The following TRPM3 variants were observed in gnomAD, a reference collection of about 807,000 sequenced individuals.
TRPM3 encodes the protein transient receptor potential cation channel subfamily M member 3.
A neutral mutation model predicts 181.2 loss-of-function variants in TRPM3; 77 were observed. The observed-to-expected ratio is 0.42, with a 90% confidence interval of 0.35 to 0.51. The LOEUF is 0.51. Among genes scored for constraint, TRPM3 ranks in the 20% least tolerant of loss-of-function variants. The pLI is 0.01. For missense variants in TRPM3, 1,759 were observed against 2,196.7 expected (o/e 0.80, Z 3.98); for synonymous variants, 745 against 796.4 (o/e 0.94, Z 1.09).
intron 22 of TRPM3, among the ~76,000 whole-genome samples, chr9:70,574,608 T>C (rs1162584581): frequency 1.3e-5 from 2 of 152,240 alleles, no homozygotes; most frequent in African/African-American, 4.8e-5. Flanking sequence ...CTGATGCCTC[T>C]ACTGGGCTGT....
intron 17 of TRPM3, 130 bp from the exon 18 acceptor site, chr9:70,616,205 C>T (rs1448224353): frequency 7.2e-6 from 4 of 551,728 alleles, no homozygotes; most frequent in Admixed American, 7.4e-5. Context: ...CACATGCACA[C>T]ACAGTTGTTA....
intron 15 of TRPM3, 129 bp from the exon 16 acceptor site, chr9:70,620,494 C>T (rs2063462997): frequency 1.4e-5 from 14 of 1,017,242 alleles, no homozygotes; most frequent in Non-Finnish European, 2.0e-5. Context: ...CAGCTCCTGT[C>T]CTAAAAGAAC....
At chr9:71,222,232 A>T (rs925150037) in intron 1 of TRPM3, among the ~76,000 whole-genome samples, 7 of 152,242 alleles carry the variant, frequency 4.6e-5, no homozygotes, top group African/African-American at 1.7e-4. Flanking sequence ...TAACAGTTTC[A>T]ATCTCCCCAG....
intron 1 of TRPM3, among the ~76,000 whole-genome samples, chr9:71,179,885 ATGAC>A (rs1207044501): frequency 4.6e-5 from 7 of 152,110 alleles, no homozygotes; most frequent in Non-Finnish European, 8.8e-5. Context: ...AGTGGTTCAC[ATGAC>A]TGCAGGACCC....
chr9:70,778,355 G>C (rs535152585), intron 7 of TRPM3, among the ~76,000 whole-genome samples: 3 of 152,254 alleles, frequency 2.0e-5, no homozygotes, highest in Admixed American at 2.0e-4. Flanking sequence ...ATCTGCACTT[G>C]TGTCTATGTT....
chr9:71,134,172 C>T (rs1475107402), intron 1 of TRPM3, among the ~76,000 whole-genome samples: 2 of 152,106 alleles, frequency 1.3e-5, no homozygotes, highest in African/African-American at 2.4e-5. Context: ...GATAACATTT[C>T]TTAAGTAGCA....
chr9:70,956,031 C>T (rs1211566753), intron 1 of TRPM3, among the ~76,000 whole-genome samples: 2 of 152,124 alleles, frequency 1.3e-5, no homozygotes, highest in East Asian at 1.9e-4. Flanking sequence ...GTTTTTATAT[C>T]AGAGGAACTC....
At chr9:71,356,470 A>G (rs1369749140) in intron 1 of TRPM3, among the ~76,000 whole-genome samples, 1 of 152,128 alleles carries the variant, frequency 6.6e-6, no homozygotes, top group Admixed American at 6.5e-5. Context: ...GAGACTGTAA[A>G]ATAGAGACGT....
At chr9:70,898,033 A>G (rs2096307609) in intron 1 of TRPM3, among the ~76,000 whole-genome samples, 1 of 152,086 alleles carries the variant, frequency 6.6e-6, no homozygotes, top group African/African-American at 2.4e-5. Context: ...CCGACCAGTG[A>G]TACAATAAAT....
intron 1 of TRPM3, among the ~76,000 whole-genome samples, chr9:71,217,272 T>C (rs1391911224): frequency 7.2e-5 from 11 of 152,112 alleles, no homozygotes; most frequent in Admixed American, 6.5e-4. Flanking sequence ...CTTAAAACAT[T>C]CTCTCTCCTA....
At chr9:71,272,623 T>A (rs2083888992) in intron 1 of TRPM3, among the ~76,000 whole-genome samples, 1 of 152,288 alleles carries the variant, frequency 6.6e-6, no homozygotes, top group African/African-American at 2.4e-5. Flanking sequence ...CACATACCTG[T>A]ACATAGTTTA....
chr9:71,071,327 C>T (rs1591174204), intron 1 of TRPM3, among the ~76,000 whole-genome samples: 1 of 152,118 alleles, frequency 6.6e-6, no homozygotes, highest in African/African-American at 2.4e-5. Context: ...TTATTTGAGG[C>T]ACTGTATTTG....
At chr9:71,327,474 A>G (rs1226846203) in intron 1 of TRPM3, among the ~76,000 whole-genome samples, 1 of 152,150 alleles carries the variant, frequency 6.6e-6, no homozygotes, top group Non-Finnish European at 1.5e-5. Flanking sequence ...ATATGCACTT[A>G]TGAGTCCCAT....
intron 1 of TRPM3, among the ~76,000 whole-genome samples, chr9:71,010,934 C>T (rs199943441): frequency 3.4e-3 from 60 of 17,888 alleles, no homozygotes; most frequent in African/African-American, 5.5e-3. Flanking sequence ...CACACACATA[C>T]ACACACACAC....
intron 6 of TRPM3, among the ~76,000 whole-genome samples, chr9:70,804,884 G>GC (rs1424179004): frequency 6.6e-6 from 1 of 152,054 alleles, no homozygotes; most frequent in Non-Finnish European, 1.5e-5. Context: ...CTCCGTAAAA[G>GC]CAGGAATTAT....
Position 71,306,839 on chromosome 9 carries a change from C to T in TRPM3, c.183+139814G>A, listed in dbSNP as rs567073116. 3.3e-5 allele frequency among the ~76,000 whole-genome samples: 5 copies of T among 152,334 alleles called. No individual in the cohort carries two copies. The South Asian group carries it at 8.3e-4, about 25-fold the overall frequency. On this transcript the variant is annotated intron_variant, in intron 1 of 24. Transcript: ENST00000357533. Reference sequence around the variant, plus strand: ...AGTGAGCCGAGATCGCGCCACTGCACTCCAGCCTGGTGACAGAGCGAGACT... The same window carrying T: ...AGTGAGCCGAGATCGCGCCACTGCATTCCAGCCTGGTGACAGAGCGAGACT...
Position 70,533,134 on chromosome 9 carries a change from A to T in TRPM3, c.*2819T>A, listed in dbSNP as rs1292401491. 1 of 152,214 alleles carries T rather than the reference A, an allele frequency of 6.6e-6. No individual in the cohort carries two copies. Among genetic ancestry groups the T allele is most frequent in the Non-Finnish European group, 1.5e-5 (1 of 68,040 alleles). 9.4% of individuals were successfully genotyped at this position (152,214 alleles called of 1,614,324 possible). A position where few individuals can be genotyped will look rare whatever the true frequency, so the allele number is the denominator to read the frequency against. On this transcript the variant is annotated 3_prime_UTR_variant, in exon 26 of 26. Coordinates refer to ENST00000677713, the MANE Select transcript of TRPM3 (RefSeq NM_001366145.2). ...AGGACTGTTGAGTATTTCGTTTCCC[A>T]GTTCCTATCCTTTTCTCTCTGAAAT...
intron 1 of TRPM3, among the ~76,000 whole-genome samples, chr9:71,036,477 C>T (rs2058221115): frequency 1.3e-5 from 2 of 152,196 alleles, no homozygotes; most frequent in Non-Finnish European, 2.9e-5. Flanking sequence ...TCTACACTGC[C>T]TTCTGGTTTT....
intron 1 of TRPM3, among the ~76,000 whole-genome samples, chr9:70,938,947 G>T (rs2133520591): frequency 6.7e-6 from 1 of 148,226 alleles, no homozygotes; most frequent in Admixed American, 6.8e-5. Flanking sequence ...GACAGAGCGA[G>T]ACTCCGTCTC....
Sources: allele counts gnomAD v4.1 joint callset (sites outside exome capture counted in the v4.1 genomes callset), GRCh38; gene constraint gnomAD v4.1.1; transcripts MANE v1.5; gene names NCBI Gene and HGNC (gene_info 2026-07-23, HGNC 2026-07-21).